The following DACH2 variants were observed in gnomAD, a reference collection of about 807,000 sequenced individuals.
DACH2 encodes the protein dachshund homolog 2.
DACH2 carries 17 observed loss-of-function variants against 35.8 expected under a neutral mutation model. The observed-to-expected ratio is 0.48, with a 90% CI of 0.33 to 0.71. The LOEUF is 0.71. DACH2 is among the 30% of genes least tolerant of loss of function. The pLI is 0.02. For missense variants in DACH2, 469 were observed against 472.7 expected (o/e 0.99, Z 0.07); for synonymous variants, 195 against 177.3 (o/e 1.10, Z -0.79).
chrX:86,598,781 C>T (rs1344832682), intron 3 of DACH2, among the ~76,000 whole-genome samples: 1 of 104,042 alleles, frequency 9.6e-6, no homozygotes, highest in Non-Finnish European at 1.9e-5. Context: ...TTAGGGAGAG[C>T]TTCTTAGTTT....
intron 2 of DACH2, among the ~76,000 whole-genome samples, chrX:86,495,250 G>T (rs1236532834): frequency 1.8e-5 from 2 of 108,460 alleles, no homozygotes; most frequent in African/African-American, 3.4e-5. Context: ...AGTAGAGATG[G>T]TGTTTCACCA....
intron 1 of DACH2, among the ~76,000 whole-genome samples, chrX:86,335,130 G>A (rs1022700924): frequency 9.0e-6 from 1 of 111,559 alleles, no homozygotes; most frequent in Non-Finnish European, 1.9e-5. Flanking sequence ...ATCTGTTTTG[G>A]TACCAGTACC....
chrX:86,565,126 C>G lies in DACH2; in HGVS notation c.640+50735C>G, dbSNP rs377551693. Reference sequence around the variant, plus strand: ...GGTTCCATATTCTGCCCTCAATCTACCATTCAAACCTTATTTATCAACTTG... The same window carrying G: ...GGTTCCATATTCTGCCCTCAATCTAGCATTCAAACCTTATTTATCAACTTG... On this transcript the variant is annotated intron_variant, in intron 3 of 11. Coordinates refer to ENST00000373125, the MANE Select transcript of DACH2 (RefSeq NM_053281.3). Among the ~76,000 whole-genome samples, 6 of 111,281 alleles carry G rather than the reference C, an allele frequency of 5.4e-5. No individual in the cohort carries two copies. The East Asian group carries it at 1.7e-3, about 32-fold the overall frequency.
At chrX:86,465,104 C>A (rs766658936) in intron 2 of DACH2, among the ~76,000 whole-genome samples, 33 of 111,524 alleles carry the variant, frequency 3.0e-4, no homozygotes, top group African/African-American at 9.1e-4. Flanking sequence ...ACACAAATAG[C>A]AAAGTATTTG....
At chrX:86,468,895 C>G (rs1364741583) in intron 2 of DACH2, among the ~76,000 whole-genome samples, 1 of 111,658 alleles carries the variant, frequency 9.0e-6, no homozygotes, top group Non-Finnish European at 1.9e-5. Context: ...CAAAAGTACA[C>G]TGCACTCCCA....
At chrX:86,600,188 C>T (rs574456088) in intron 3 of DACH2, among the ~76,000 whole-genome samples, 3 of 111,604 alleles carry the variant, frequency 2.7e-5, no homozygotes, top group African/African-American at 9.8e-5. Context: ...CTATTCTCAT[C>T]GAGATTTAGC....
At chrX:86,563,342 A>C (rs2039251147) in intron 3 of DACH2, among the ~76,000 whole-genome samples, 1 of 110,652 alleles carries the variant, frequency 9.0e-6, no homozygotes, top group Admixed American at 9.7e-5. Context: ...ATGTTAAAGA[A>C]GAATAATATA....
intron 3 of DACH2, among the ~76,000 whole-genome samples, chrX:86,649,638 G>A (rs976535492): frequency 1.8e-5 from 2 of 110,958 alleles, no homozygotes; most frequent in Non-Finnish European, 3.8e-5. Flanking sequence ...TTTTCTTTGC[G>A]ATGATTTAGA....
intron 7 of DACH2, among the ~76,000 whole-genome samples, chrX:86,750,416 A>G (rs1261266354): frequency 8.9e-6 from 1 of 111,831 alleles, no homozygotes; most frequent in Admixed American, 9.5e-5. Context: ...TTCTATTTCT[A>G]TTATTATTCT....
At chrX:86,476,142 T>C (rs2148228139) in intron 2 of DACH2, among the ~76,000 whole-genome samples, 1 of 112,045 alleles carries the variant, frequency 8.9e-6, no homozygotes. Flanking sequence ...GTTTTCTTTT[T>C]TTGATGTGTC....
intron 3 of DACH2, among the ~76,000 whole-genome samples, chrX:86,624,047 C>CAA (rs1466830603): frequency 0.021 from 336 of 16,278 alleles, 31 homozygotes; most frequent in African/African-American, 0.095. Flanking sequence ...AACTCCGTCT[C>CAA]AAAAAAACAA....
At chrX:86,432,805 G>T (rs2037006449) in intron 2 of DACH2, among the ~76,000 whole-genome samples, 1 of 112,367 alleles carries the variant, frequency 8.9e-6, no homozygotes, top group Admixed American at 9.5e-5. Context: ...TGCATAGGCA[G>T]ATGAGTTGTA....
At chrX:86,751,357 G>A (rs777354067) in intron 7 of DACH2, among the ~76,000 whole-genome samples, 1 of 110,399 alleles carries the variant, frequency 9.1e-6, no homozygotes, top group South Asian at 3.9e-4. Context: ...CACATAAACA[G>A]AACTAAAGAC....
intron 2 of DACH2, among the ~76,000 whole-genome samples, chrX:86,456,701 C>A (rs1008875231): frequency 9.1e-6 from 1 of 109,551 alleles, no homozygotes; most frequent in Non-Finnish European, 1.9e-5. Context: ...TGACCTATAT[C>A]ATTTTCTTTC....
At chrX:86,304,693 A>G in intron 1 of DACH2, 1 of 170,267 alleles carries the variant, frequency 5.9e-6, no homozygotes, top group Non-Finnish European at 1.3e-5. Flanking sequence ...CATCCACAAG[A>G]GAAGACCAAG....
intron 6 of DACH2, among the ~76,000 whole-genome samples, chrX:86,738,479 A>G (rs766962525): frequency 8.9e-6 from 1 of 112,084 alleles, no homozygotes; most frequent in East Asian, 2.8e-4. Context: ...AGATAATTAG[A>G]CACAACATTT....
At chrX:86,446,875 C>A (rs1443119862) in intron 2 of DACH2, among the ~76,000 whole-genome samples, 3 of 94,657 alleles carry the variant, frequency 3.2e-5, no homozygotes, top group African/African-American at 1.2e-4. Flanking sequence ...GCCACACTGA[C>A]TTCCACAAGG....
At chrX:86,425,770 G>A (rs1247986585) in intron 2 of DACH2, among the ~76,000 whole-genome samples, 2 of 111,010 alleles carry the variant, frequency 1.8e-5, no homozygotes, top group Non-Finnish European at 3.8e-5. Flanking sequence ...ATGAAGCACA[G>A]ATTATTAAGT....
intron 3 of DACH2, among the ~76,000 whole-genome samples, chrX:86,599,466 T>TTTTCTTTCTTTC (rs534501331): frequency 0.22 from 14,004 of 62,647 alleles, 2,008 homozygotes; most frequent in Middle Eastern, 0.24. Context: ...TCCTTCCTTC[T>TTTTCTTTCTTTC]TTTCTTTCTT....
Sources: allele counts gnomAD v4.1 joint callset (sites outside exome capture counted in the v4.1 genomes callset), GRCh38; gene constraint gnomAD v4.1.1; transcripts MANE v1.5; gene names NCBI Gene and HGNC (gene_info 2026-07-23, HGNC 2026-07-21).